PPP1R1B: variants seen among roughly 807,000 people sequenced by gnomAD.
PPP1R1B encodes the protein protein phosphatase 1 regulatory subunit 1B.
PPP1R1B carries 13 observed loss-of-function variants against 28.2 expected under a neutral mutation model. That is an observed-to-expected ratio of 0.46 (90% CI 0.30 to 0.73). The LOEUF is 0.73. Ranked by LOEUF, PPP1R1B falls within the 30% of genes least tolerant of loss-of-function variation. PPP1R1B has a pLI of 0.07. For synonymous variants in PPP1R1B, 102 were observed against 97.5 expected (o/e 1.05, Z -0.27); for missense variants, 236 against 256.7 (o/e 0.92, Z 0.55).
chr17:39,629,346 G>T, intron 2 of PPP1R1B, 116 bp downstream of exon 2: 1 of 1,324,014 alleles, frequency 7.6e-7, no homozygotes, highest in Middle Eastern at 1.8e-4. Context: ...GAGTGGATAA[G>T]GTCTGGGAAC....
chr17:39,635,659 A>G lies in PPP1R1B; in HGVS notation c.498A>G (p.Pro166=), dbSNP rs2056914878. The change falls in exon 6 of 7, where the codon CCA becomes CCG. Residue 166 remains proline (P), a synonymous_variant. Transcript: ENST00000254079. ...GQGLEGPWER[P]PPLDESERDG... is the part of the protein sequence containing the mutation. Reference sequence around the variant, plus strand: ...GTCTGGAAGGGCCCTGGGAGCGCCCACCCCCTCTGGATGAGTCCGAGAGAG... The same window carrying G: ...GTCTGGAAGGGCCCTGGGAGCGCCCGCCCCCTCTGGATGAGTCCGAGAGAG... The G allele has an allele frequency of 1.9e-6, 3 of 1,613,774 alleles. No homozygotes were observed. The highest frequency in any genetic ancestry group is 2.5e-6 in the Non-Finnish European group (3 of 1,179,946).
intron 1 of PPP1R1B, among the ~76,000 whole-genome samples, chr17:39,627,777 T>G (rs932817778): frequency 2.0e-5 from 3 of 151,802 alleles, no homozygotes; most frequent in Non-Finnish European, 2.9e-5. Flanking sequence ...GGGGCGTCCT[T>G]TGGTCCCAGC....
intron 4 of PPP1R1B, among the ~76,000 whole-genome samples, chr17:39,631,837 G>A (rs1281485053): frequency 1.3e-5 from 2 of 152,138 alleles, no homozygotes; most frequent in Non-Finnish European, 2.9e-5. Flanking sequence ...TGTGTGGAAG[G>A]GCCCCAAAGC....
At chr17:39,632,800 GAGCAT>G (rs1308201207) in intron 4 of PPP1R1B, 1 of 152,210 alleles carries the variant, frequency 6.6e-6, no homozygotes, top group East Asian at 1.9e-4. Context: ...GAGTTGGCAG[GAGCAT>G]AGCACCCTGC....
At chr17:39,630,786 C>T (rs1041023770) in intron 4 of PPP1R1B, among the ~76,000 whole-genome samples, 2 of 151,928 alleles carry the variant, frequency 1.3e-5, no homozygotes, top group Non-Finnish European at 2.9e-5. Flanking sequence ...GTGAGCTAAG[C>T]GGGCCGGGCG....
chr17:39,635,746 A>G lies in PPP1R1B; in HGVS notation c.565+20A>G. On this transcript the variant is annotated intron_variant, in intron 6 of 6. Transcript: ENST00000254079. The stretch of plus-strand genomic sequence containing the variant: ...TAAGTGGTAAGGCTTGGGAGTGTGA[A>G]ATGGGGAGGAGGGGCTGGGATCTTG... 2 of 1,612,432 alleles carry G rather than the reference A, an allele frequency of 1.2e-6. No individual in the cohort carries two copies. The highest frequency in any genetic ancestry group is 2.2e-5 in the South Asian group (2 of 91,046).
In PPP1R1B at chr17:39,635,682, G is replaced by A. The variant is rs767783990; in HGVS notation, c.521G>A (p.Arg174Lys). Residue 174 changes from arginine (R) to lysine (K), a missense_variant, in exon 6 of 7, where the codon AGA (arginine) becomes AAA (lysine). Physicochemically the swap from Arg to Lys is conservative, Grantham distance 26. Transcript: ENST00000254079. ...CCACCCCCTCTGGATGAGTCCGAGA[G>A]AGATGGAGGCTCTGAGGACCAAGTG... ...ERPPPLDESERDGGSEDQVED... is the reference protein window; with the variant it reads ...ERPPPLDESEKDGGSEDQVED... 1.2e-6 allele frequency: 2 copies of A among 1,614,136 alleles called. No homozygotes were observed. Among genetic ancestry groups the A allele is most frequent in the South Asian group, 1.1e-5 (1 of 91,080 alleles).
At chr17:39,634,451 C>A (rs2144850037) in intron 5 of PPP1R1B, among the ~76,000 whole-genome samples, 1 of 152,328 alleles carries the variant, frequency 6.6e-6, no homozygotes, top group South Asian at 2.1e-4. Flanking sequence ...ACCCCTGTCA[C>A]CTGCATTTCA....
intron 5 of PPP1R1B, among the ~76,000 whole-genome samples, chr17:39,635,151 G>A (rs948548982): frequency 6.6e-6 from 1 of 151,984 alleles, no homozygotes; most frequent in Admixed American, 6.5e-5. Flanking sequence ...AGCTGAGATC[G>A]CACCACTGCA....
Position 39,630,052 on chromosome 17 carries a change from T to C in PPP1R1B, c.241+5T>C, listed in dbSNP as rs1487319212. On this transcript the variant is annotated splice_donor_5th_base_variant and intron_variant, in intron 4 of 6. Transcript: ENST00000254079. ...ACACACCACCTTCGCTGAAAGGTAC[T>C]ATACCCCCACCGACCTTCCTGGCTG... 9 of 1,613,948 alleles carry C rather than the reference T, an allele frequency of 5.6e-6. No homozygotes were observed. Among genetic ancestry groups the C allele is most frequent in the Admixed American group, 1.7e-5 (1 of 60,024 alleles).
chr17:39,635,889 A>G lies in PPP1R1B; in HGVS notation c.*24A>G. 1 of 1,611,064 alleles carries G rather than the reference A, an allele frequency of 6.2e-7. No homozygotes were observed. The highest frequency in any genetic ancestry group is 8.5e-7 in the Non-Finnish European group (1 of 1,179,436). On this transcript the variant is annotated 3_prime_UTR_variant, in exon 7 of 7. Coordinates refer to ENST00000254079, the MANE Select transcript of PPP1R1B (RefSeq NM_032192.4). ...AGGCACCCAGCCTGCATCTCCCAGG[A>G]GGAAGTGGAGGGGACATCGCTGTTC...
chr17:39,630,534 C>G (rs2056869771), intron 4 of PPP1R1B: 2 of 169,970 alleles, frequency 1.2e-5, no homozygotes, highest in Admixed American at 1.1e-4. Flanking sequence ...CACACTTACT[C>G]AACACCTAGT....
intron 4 of PPP1R1B, chr17:39,630,360 G>C: frequency 2.6e-6 from 1 of 387,412 alleles, no homozygotes; most frequent in Non-Finnish European, 4.9e-6. Flanking sequence ...CTCTTCACCA[G>C]CCTGTGGTGG....
Position 39,635,873 on chromosome 17 carries a change from G to A in PPP1R1B, c.*8G>A, listed in dbSNP as rs1351613207. ...TCTGAGCCTGGCACATAGGCACCCA[G>A]CCTGCATCTCCCAGGAGGAAGTGGA... On this transcript the variant is annotated 3_prime_UTR_variant, in exon 7 of 7. Coordinates refer to ENST00000254079, the MANE Select transcript of PPP1R1B (RefSeq NM_032192.4). 2 of 1,612,258 alleles carry A rather than the reference G, an allele frequency of 1.2e-6. No homozygotes were observed. The highest frequency in any genetic ancestry group is 8.5e-7 in the Non-Finnish European group (1 of 1,179,940).
chr17:39,634,329 A>G (rs2056901285), intron 5 of PPP1R1B, among the ~76,000 whole-genome samples: 1 of 152,246 alleles, frequency 6.6e-6, no homozygotes, highest in African/African-American at 2.4e-5. Context: ...TTCCCTGAGA[A>G]TTAAGGCCAA....
At chr17:39,630,521 T>C (rs2056869650) in intron 4 of PPP1R1B, 3 of 173,344 alleles carry the variant, frequency 1.7e-5, no homozygotes, top group African/African-American at 7.1e-5. Flanking sequence ...GCCATTCCTT[T>C]TGCACACTTA....
intron 1 of PPP1R1B, among the ~76,000 whole-genome samples, chr17:39,628,332 G>T (rs1464065046): frequency 6.6e-6 from 1 of 151,936 alleles, no homozygotes; most frequent in South Asian, 2.1e-4. Flanking sequence ...GAGCTTGGCT[G>T]GGGAGGTGGC....
At chr17:39,628,446 C>CGGGGA in intron 1 of PPP1R1B, 1 of 836,926 alleles carries the variant, frequency 1.2e-6, no homozygotes, top group Non-Finnish European at 1.4e-6. Context: ...AGGGGCGGGG[C>CGGGGA]GGGGAGGGGG....
chr17:39,633,765 GGGGTATTCTCTGCCCCA>G (rs1228831373), intron 4 of PPP1R1B, 101 bp from the exon 5 acceptor site: 2 of 1,543,000 alleles, frequency 1.3e-6, no homozygotes, highest in Non-Finnish European at 1.7e-6. Context: ...GGCCCCTGAG[GGGGTATTCTCTGCCCCA>G]GGCCTACGGG....
Sources: gnomAD v4.1 joint callset for allele counts (sites outside exome capture counted in the v4.1 genomes callset) on GRCh38, gnomAD v4.1.1 for gene constraint, MANE v1.5 for transcripts, NCBI Gene and HGNC (gene_info 2026-07-23, HGNC 2026-07-21) for gene names.